Variants in TUBGCP4 observed in about 807,000 individuals in gnomAD.
TUBGCP4 encodes tubulin gamma complex component 4.
A neutral mutation model predicts 91.6 loss-of-function variants in TUBGCP4; 54 were observed. That is an observed-to-expected ratio of 0.59 (90% CI 0.47 to 0.74). TUBGCP4 has a LOEUF of 0.74. TUBGCP4 is among the 30% of genes least tolerant of loss of function. The pLI is 0.00. For missense variants in TUBGCP4, 593 were observed against 800.9 expected (o/e 0.74, Z 3.13); for synonymous variants, 297 against 302.8 (o/e 0.98, Z 0.20).
At position 43,409,450 on chromosome 15, in the gene TUBGCP4, A is replaced by C. The variant is rs1055671062; in HGVS notation, c.*4236A>C. The C allele has an allele frequency of 7.7e-5, 41 of 534,950 alleles. No homozygotes were observed. Among genetic ancestry groups the C allele is most frequent in the Admixed American group, 7.1e-4 (21 of 29,432 alleles). The allele number at this position is 534,950 out of a possible 1,614,324, so 33.1% of individuals were successfully genotyped here. On this transcript the variant is annotated 3_prime_UTR_variant, in exon 18 of 18. Transcript: ENST00000564079. ...AGCAACAGAACCATAGCCATTAACT[A>C]ACCCAAGGTCCTACCTTCTCTTCCC...
chr15:43,386,023 C>A, intron 8 of TUBGCP4, 67 bp downstream of exon 8: 1 of 1,581,596 alleles, frequency 6.3e-7, no homozygotes, highest in Admixed American at 1.7e-5. Flanking sequence ...TATGTGGCCC[C>A]ACAGCATGCC....
chr15:43,377,946 G>T, intron 5 of TUBGCP4, 43 bp downstream of exon 5: 1 of 1,416,508 alleles, frequency 7.1e-7, no homozygotes, highest in Non-Finnish European at 9.7e-7. Flanking sequence ...AAGCACTGAG[G>T]GAATATTACT....
chr15:43,404,490 T>G lies in TUBGCP4; in HGVS notation c.1926T>G (p.Ala642=), dbSNP rs376299947. 3 of 1,614,184 alleles carry G rather than the reference T, an allele frequency of 1.9e-6. No individual in the cohort carries two copies. Among genetic ancestry groups the G allele is most frequent in the Non-Finnish European group, 2.5e-6 (3 of 1,180,028 alleles). Residue 642 remains alanine, a synonymous_variant, in exon 17 of 18, where the codon GCT becomes GCG. Coordinates refer to ENST00000564079, the MANE Select transcript of TUBGCP4 (RefSeq NM_014444.5). ...ATCATCAGATCAACTCAGATTTGGC[T>G]CAACTACTGTTACGACTAGATTATA... ...VRNHQINSDL[A]QLLLRLDYNK... is the part of the protein sequence containing the mutation.
At chr15:43,377,626 AAAG>A in intron 4 of TUBGCP4, 1 of 478,344 alleles carries the variant, frequency 2.1e-6, no homozygotes, top group Non-Finnish European at 3.6e-6. Flanking sequence ...AAAAAAAAAA[AAAG>A]AAAAAAGAAA....
intron 1 of TUBGCP4, among the ~76,000 whole-genome samples, chr15:43,372,594 G>A (rs1172586966): frequency 7.0e-6 from 1 of 142,598 alleles, no homozygotes; most frequent in Non-Finnish European, 1.5e-5. Flanking sequence ...AAAATAAGAA[G>A]AGATAACACA....
chr15:43,377,886 C>A lies in TUBGCP4; in HGVS notation c.424C>A (p.Gln142Lys), dbSNP rs1458080299. ...LFPSVMVVVEQIKSQKIHGCQ... is the reference protein window; with the variant it reads ...LFPSVMVVVEKIKSQKIHGCQ... ...TCCCTCTGTGATGGTTGTAGTAGAACAAATTAAAAGTCAAAAGGTGAGAAC... is the reference window on the plus strand; with the variant it reads ...TCCCTCTGTGATGGTTGTAGTAGAAAAAATTAAAAGTCAAAAGGTGAGAAC... The change falls in exon 5 of 18, where the codon CAA (glutamine) becomes AAA (lysine). Residue 142 changes from glutamine (Q) to lysine (K), a missense_variant. Gln to Lys is a moderately conservative substitution (Grantham distance 53). Transcript: ENST00000564079. The A allele has an allele frequency of 6.2e-7, 1 of 1,605,748 alleles. No homozygotes were observed. Among genetic ancestry groups the A allele is most frequent in the African/African-American group, 1.3e-5 (1 of 74,394 alleles).
chr15:43,384,024 G>A (rs1462123600), intron 7 of TUBGCP4, among the ~76,000 whole-genome samples: 1 of 152,122 alleles, frequency 6.6e-6, no homozygotes, highest in African/African-American at 2.4e-5. Flanking sequence ...ATGTTGGCCA[G>A]GCTGGTCTCG....
At position 43,407,764 on chromosome 15, in the gene TUBGCP4, C is replaced by CAAAT; in HGVS notation, c.*2552_*2555dup. On this transcript the variant is annotated 3_prime_UTR_variant, in exon 18 of 18. Coordinates refer to ENST00000564079, the MANE Select transcript of TUBGCP4 (RefSeq NM_014444.5). ...GTGCTGACCTTGTAGAAATATTTAACAAATATACGTCCAGTGCTTCACTTA... is the reference window on the plus strand; with the variant it reads ...GTGCTGACCTTGTAGAAATATTTAACAAATAAATATACGTCCAGTGCTTCACTTA... 1.3e-6 allele frequency: 1 copy of CAAAT among 783,116 alleles called. No homozygotes were observed. The highest frequency in any genetic ancestry group is 2.0e-6 in the Non-Finnish European group (1 of 498,860). 48.5% of individuals were successfully genotyped at this position (783,116 alleles called of 1,614,324 possible). A position where few individuals can be genotyped will look rare whatever the true frequency, so the allele number is the denominator to read the frequency against.
At chr15:43,376,676 T>C in intron 3 of TUBGCP4, 51 bp downstream of exon 3, 1 of 1,610,508 alleles carries the variant, frequency 6.2e-7, no homozygotes, top group Admixed American at 1.7e-5. Context: ...GATTAGGGCA[T>C]GTTCTTGAAT....
At chr15:43,378,511 C>T (rs1325631935) in intron 5 of TUBGCP4, among the ~76,000 whole-genome samples, 1 of 152,222 alleles carries the variant, frequency 6.6e-6, no homozygotes, top group African/African-American at 2.4e-5. Flanking sequence ...ACATCTTTAG[C>T]TCAAGTCGTC....
chr15:43,380,646 A>G (rs921888195), intron 6 of TUBGCP4, among the ~76,000 whole-genome samples: 5 of 152,268 alleles, frequency 3.3e-5, no homozygotes, highest in Admixed American at 2.6e-4. Context: ...GTTGTCTACT[A>G]TATCAGGAAA....
In TUBGCP4 at chr15:43,407,404, T is replaced by C. The variant is rs754956432; in HGVS notation, c.*2190T>C. On this transcript the variant is annotated 3_prime_UTR_variant, in exon 18 of 18. Coordinates refer to ENST00000564079, the MANE Select transcript of TUBGCP4 (RefSeq NM_014444.5). ...ATCTTTAGTGAGAAACATAATCGTG[T>C]TTATATTTTGGATGCTGCTTGAATC... The C allele has an allele frequency of 3.7e-6, 6 of 1,614,060 alleles. No individual in the cohort carries two copies. The South Asian group carries it at 4.4e-5, about 12-fold the overall frequency.
chr15:43,377,812 A>C (rs1299958930), intron 4 of TUBGCP4, 35 bp from the exon 5 acceptor site: 1 of 1,528,712 alleles, frequency 6.5e-7, no homozygotes, highest in East Asian at 2.3e-5. Context: ...CTTACATTTG[A>C]TTACATACCC....
At chr15:43,390,030 C>T (rs2044440481) in intron 9 of TUBGCP4, among the ~76,000 whole-genome samples, 1 of 152,108 alleles carries the variant, frequency 6.6e-6, no homozygotes. Context: ...CCTCCCACAA[C>T]ACGTGGGAGT....
At position 43,407,082 on chromosome 15, in the gene TUBGCP4, T is replaced by TCTTAA. The variant is rs1273152199; in HGVS notation, c.*1872_*1876dup. The stretch of plus-strand genomic sequence containing the variant: ...AATGATGCCACAGAATAAAGTTCAC[T>TCTTAA]CTTAACTTTTCAATTTCCTTGGCCA... On this transcript the variant is annotated 3_prime_UTR_variant, in exon 18 of 18. Transcript: ENST00000564079. 2.3e-5 allele frequency: 7 copies of TCTTAA among 304,132 alleles called. No individual in the cohort carries two copies. Among genetic ancestry groups the TCTTAA allele is most frequent in the African/African-American group, 8.6e-5 (4 of 46,764 alleles). The allele number at this position is 304,132 out of a possible 1,614,324, so 18.8% of individuals were successfully genotyped here.
At position 43,408,096 on chromosome 15, in the gene TUBGCP4, G is replaced by T; in HGVS notation, c.*2882G>T. The T allele has an allele frequency of 6.2e-7, 1 of 1,613,444 alleles. No individual in the cohort carries two copies. ...GGATTTTCACGGGGTTGCCTATGAAGGAGACAGGAAAGGACCTTAGCATGA... is the reference window on the plus strand; with the variant it reads ...GGATTTTCACGGGGTTGCCTATGAATGAGACAGGAAAGGACCTTAGCATGA... On this transcript the variant is annotated 3_prime_UTR_variant, in exon 18 of 18. Transcript: ENST00000564079.
intron 9 of TUBGCP4, among the ~76,000 whole-genome samples, chr15:43,392,075 TACACACACACACACAC>T (rs3986231): frequency 2.4e-4 from 32 of 133,184 alleles, no homozygotes; most frequent in South Asian, 7.6e-4. Flanking sequence ...AAAATAGAGA[TACACACACACACACAC>T]ACACACACAC....
chr15:43,371,194 C>T lies in TUBGCP4; in HGVS notation c.-161C>T. 1 of 714,862 alleles carries T rather than the reference C, an allele frequency of 1.4e-6. No homozygotes were observed. The highest frequency in any genetic ancestry group is 2.3e-6 in the Non-Finnish European group (1 of 427,258). The allele number at this position is 714,862 out of a possible 1,614,324, so 44.3% of individuals were successfully genotyped here. A position where few individuals can be genotyped will look rare whatever the true frequency, so the allele number is the denominator to read the frequency against. ...CCGCGACCCCTTCCCAGCTTCCCGT[C>T]CGCTCCGCCGCAGCGATTGTCTCGG... On this transcript the variant is annotated 5_prime_UTR_variant, in exon 1 of 18. Transcript: ENST00000564079.
intron 14 of TUBGCP4, 61 bp downstream of exon 14, chr15:43,400,282 G>T: frequency 2.0e-6 from 3 of 1,499,434 alleles, no homozygotes; most frequent in Non-Finnish European, 2.8e-6. Context: ...AGGTTGGCAG[G>T]GAGTATTGAA....
Sources: allele counts gnomAD v4.1 joint callset (sites outside exome capture counted in the v4.1 genomes callset), GRCh38; gene constraint gnomAD v4.1.1; transcripts MANE v1.5; gene names NCBI Gene and HGNC (gene_info 2026-07-23, HGNC 2026-07-21).